The following SDCCAG8 variants were observed in gnomAD, a reference collection of about 807,000 sequenced individuals.
SDCCAG8 encodes serologically defined colon cancer antigen 8.
A neutral mutation model predicts 101.8 loss-of-function variants in SDCCAG8; 74 were observed. The observed-to-expected ratio is 0.73, with a 90% CI of 0.60 to 0.88. The LOEUF (loss-of-function observed/expected upper bound fraction) is 0.88, where lower values mean the gene tolerates loss of function less well. SDCCAG8 is among the 40% of genes least tolerant of loss of function. The pLI is 0.00. For missense variants in SDCCAG8, 787 were observed against 822.6 expected (o/e 0.96, Z 0.53); for synonymous variants, 281 against 292.9 (o/e 0.96, Z 0.41).
At position 243,458,062 on chromosome 1, in the gene SDCCAG8, C is replaced by T. The variant is rs1053000256; in HGVS notation, c.1986-30952C>T. On this transcript the variant is annotated intron_variant, in intron 16 of 17. Coordinates refer to ENST00000366541, the MANE Select transcript of SDCCAG8 (RefSeq NM_006642.5). This position sits in a 1 kb window ranked among gnomAD's most constrained non-coding sequence, Gnocchi z 4.5. ...ACCTTCAGGACCCATCCCAAAATGACGAAGACACAAGATACAGTTCTGTCC... is the reference window on the plus strand; with the variant it reads ...ACCTTCAGGACCCATCCCAAAATGATGAAGACACAAGATACAGTTCTGTCC... Among the ~76,000 whole-genome samples, 5 of 152,208 alleles carry T rather than the reference C, an allele frequency of 3.3e-5. No homozygotes were observed. Among genetic ancestry groups the T allele is most frequent in the South Asian group, 2.1e-4 (1 of 4,832 alleles).
intron 4 of SDCCAG8, 120 bp from the exon 5 acceptor site, chr1:243,286,152 T>C (rs2069595175): frequency 2.9e-6 from 3 of 1,045,528 alleles, no homozygotes; most frequent in Non-Finnish European, 2.9e-6. Flanking sequence ...CATATAATTA[T>C]ATTTCAGGAA....
intron 9 of SDCCAG8, among the ~76,000 whole-genome samples, chr1:243,318,894 T>TGAGGGGCCAGGCCCTTTC (rs2073503770): frequency 6.6e-6 from 1 of 152,224 alleles, no homozygotes; most frequent in African/African-American, 2.4e-5. Context: ...CCGCTCTGTG[T>TGAGGGGCCAGGCCCTTTC]TAATCTGTTT....
intron 15 of SDCCAG8, among the ~76,000 whole-genome samples, chr1:243,421,257 CA>C (rs1482192174): frequency 2.6e-5 from 4 of 152,252 alleles, no homozygotes; most frequent in Non-Finnish European, 5.9e-5. Flanking sequence ...ACCAACTAAA[CA>C]AATAGATTCC....
chr1:243,294,299 G>A (rs1374621527), intron 6 of SDCCAG8, among the ~76,000 whole-genome samples: 1 of 152,022 alleles, frequency 6.6e-6, no homozygotes, highest in Non-Finnish European at 1.5e-5. Flanking sequence ...ACTTTTGAAG[G>A]CTGTAATACT....
At chr1:243,337,768 T>C (rs904337366) in intron 10 of SDCCAG8, among the ~76,000 whole-genome samples, 1 of 152,220 alleles carries the variant, frequency 6.6e-6, no homozygotes, top group African/African-American at 2.4e-5. Context: ...GATAGATTTC[T>C]TGGCCCTTCA....
intron 13 of SDCCAG8, among the ~76,000 whole-genome samples, chr1:243,410,676 A>C (rs2148000216): frequency 6.6e-6 from 1 of 152,282 alleles, no homozygotes; most frequent in East Asian, 1.9e-4. Context: ...TGTTGAGCTA[A>C]ATTTAACATC....
chr1:243,400,703 C>A (rs941252710), intron 13 of SDCCAG8, among the ~76,000 whole-genome samples: 20 of 152,098 alleles, frequency 1.3e-4, no homozygotes, highest in African/African-American at 4.3e-4. Context: ...ACAAATTTGA[C>A]AATTACATAA....
At chr1:243,324,678 A>G (rs748487781) in intron 9 of SDCCAG8, among the ~76,000 whole-genome samples, 6 of 151,966 alleles carry the variant, frequency 3.9e-5, no homozygotes, top group Non-Finnish European at 5.9e-5. Context: ...TAGCTTTCTA[A>G]TTGGTTTCCC....
chr1:243,298,071 C>T (rs1373625310), intron 6 of SDCCAG8, among the ~76,000 whole-genome samples: 5 of 141,870 alleles, frequency 3.5e-5, no homozygotes, highest in Middle Eastern at 3.8e-3. Flanking sequence ...TTTTTTAAGA[C>T]GGAGTCTCAC....
At chr1:243,315,535 G>T (rs1573221225) in intron 8 of SDCCAG8, among the ~76,000 whole-genome samples, 1 of 152,164 alleles carries the variant, frequency 6.6e-6, no homozygotes, top group South Asian at 2.1e-4. Context: ...AACAAAAAGG[G>T]CTTTTATGAA....
At chr1:243,433,356 G>GAA (rs914707825) in intron 16 of SDCCAG8, among the ~76,000 whole-genome samples, 26 of 64,956 alleles carry the variant, frequency 4.0e-4, no homozygotes, top group Non-Finnish European at 6.1e-4. Flanking sequence ...CGTCTCAAAA[G>GAA]AAAAAAAAAA....
chr1:243,335,070 T>C (rs1352568499), intron 10 of SDCCAG8, among the ~76,000 whole-genome samples: 2 of 152,150 alleles, frequency 1.3e-5, no homozygotes, highest in Admixed American at 1.3e-4. Context: ...ATGTAAAATG[T>C]GCTCAGTATA....
intron 5 of SDCCAG8, among the ~76,000 whole-genome samples, chr1:243,288,785 G>C (rs1279798087): frequency 2.6e-5 from 4 of 152,078 alleles, no homozygotes; most frequent in Non-Finnish European, 5.9e-5. Flanking sequence ...AAGGTGGGTG[G>C]ATCACGAGGT....
intron 3 of SDCCAG8, among the ~76,000 whole-genome samples, chr1:243,274,175 G>C (rs1182544517): frequency 6.6e-6 from 1 of 152,174 alleles, no homozygotes; most frequent in African/African-American, 2.4e-5. Flanking sequence ...CATGTGGTGA[G>C]AGCCAGAGCA....
intron 10 of SDCCAG8, among the ~76,000 whole-genome samples, chr1:243,332,798 A>T (rs1218770938): frequency 2.0e-5 from 3 of 151,136 alleles, no homozygotes; most frequent in Non-Finnish European, 4.4e-5. Context: ...CCCGGTCTGG[A>T]GGTGGTTATC....
intron 1 of SDCCAG8, among the ~76,000 whole-genome samples, chr1:243,257,472 C>CAA (rs561638555): frequency 1.6e-5 from 2 of 123,152 alleles, no homozygotes; most frequent in East Asian, 2.3e-4. Flanking sequence ...GGGAGAAAGA[C>CAA]AAAAAAAAAA....
At chr1:243,405,998 A>G (rs889248392) in intron 13 of SDCCAG8, among the ~76,000 whole-genome samples, 6 of 152,194 alleles carry the variant, frequency 3.9e-5, no homozygotes, top group Admixed American at 3.3e-4. Context: ...TTCCATTGAC[A>G]TGTTATAGAA....
At chr1:243,438,412 T>G (rs1327654673) in intron 16 of SDCCAG8, among the ~76,000 whole-genome samples, 1 of 152,160 alleles carries the variant, frequency 6.6e-6, no homozygotes, top group Non-Finnish European at 1.5e-5. Flanking sequence ...CTTTTGGAAT[T>G]TACATCAGCT....
chr1:243,430,920 C>T (rs892924049), intron 16 of SDCCAG8, among the ~76,000 whole-genome samples: 2 of 151,886 alleles, frequency 1.3e-5, no homozygotes, highest in Non-Finnish European at 2.9e-5. Flanking sequence ...AGTTATGGGC[C>T]GGGCGTGGTG....
Sources: gnomAD v4.1 joint callset for allele counts (sites outside exome capture counted in the v4.1 genomes callset) on GRCh38, gnomAD v4.1.1 for gene constraint, Gnocchi (gnomAD v3.1) non-coding constraint, MANE v1.5 for transcripts, NCBI Gene and HGNC (gene_info 2026-07-23, HGNC 2026-07-21) for gene names.